Variants in PDE7B observed in about 807,000 individuals in gnomAD.
The protein encoded by PDE7B is 3',5'-cyclic-AMP phosphodiesterase 7B.
A neutral mutation model predicts 56.2 loss-of-function variants in PDE7B; 29 were observed. The ratio of observed to expected loss-of-function variants is 0.52; its 90% CI spans 0.38 to 0.70. PDE7B has a LOEUF of 0.70. PDE7B is among the 30% of genes least tolerant of loss of function. PDE7B has a pLI of 0.00. For missense variants in PDE7B, 490 were observed against 565.0 expected, an observed-to-expected ratio of 0.87 and a Z score of 1.35; for synonymous variants, 197 against 196.9, an observed-to-expected ratio of 1.00 and a Z score of 0.00.
At chr6:136,112,625 T>C (rs2128442436) in intron 3 of PDE7B, 2 of 152,282 alleles carry the variant, frequency 1.3e-5, no homozygotes, top group South Asian at 4.1e-4. Flanking sequence ...TCTTTTTTTT[T>C]TTCTGTTCAG....
In PDE7B at chr6:136,123,228, G is replaced by A. The variant is rs567287888; in HGVS notation, c.166+14414G>A. ...AACAATTAGCTGGGTGTGTGATGAC[G>A]CGTGCCTGTAGTCCTAGCTACTCGG... is the stretch of plus-strand genomic sequence containing the variant. On this transcript the variant is annotated intron_variant, in intron 3 of 12. Coordinates refer to ENST00000308191, the MANE Select transcript of PDE7B (RefSeq NM_018945.4). Among the ~76,000 whole-genome samples the A allele has an allele frequency of 3.9e-5, 6 of 152,182 alleles. No homozygotes were observed. The South Asian group carries it at 8.3e-4, about 21-fold the overall frequency.
intron 3 of PDE7B, among the ~76,000 whole-genome samples, chr6:136,114,029 T>C (rs899402798): frequency 6.6e-6 from 1 of 152,034 alleles, no homozygotes; most frequent in Non-Finnish European, 1.5e-5. Context: ...CAGCCTGAGG[T>C]TTTAGGGCAC....
chr6:136,099,764 G>A (rs985886619), intron 2 of PDE7B, among the ~76,000 whole-genome samples: 1 of 152,130 alleles, frequency 6.6e-6, no homozygotes, highest in Non-Finnish European at 1.5e-5. Context: ...CTGTGCAGAA[G>A]CTCTTTAGTT....
chr6:135,979,972 C>T lies in PDE7B; in HGVS notation c.82+32448C>T, dbSNP rs868366077. On this transcript the variant is annotated intron_variant, in intron 2 of 12. Transcript: ENST00000308191. ...GTTCATATGGAACCAAAAAAGAGCC[C>T]ACATCGCCAAGTCAATCCTAAGCCA... 1.1e-3 allele frequency among the ~76,000 whole-genome samples: 168 copies of T among 152,180 alleles called. 2 individuals are homozygous for T. In the Middle Eastern group the frequency reaches 0.024, roughly 22 times the overall value.
chr6:136,037,263 T>C (rs1188604473), intron 2 of PDE7B, among the ~76,000 whole-genome samples: 3 of 152,260 alleles, frequency 2.0e-5, no homozygotes, highest in Admixed American at 6.5e-5. Context: ...ATCCAGGCTA[T>C]GCAGGCCACT....
intron 11 of PDE7B, among the ~76,000 whole-genome samples, chr6:136,185,678 T>TC (rs769433042): frequency 4.6e-5 from 7 of 151,990 alleles, no homozygotes; most frequent in Non-Finnish European, 8.8e-5. Context: ...AGCAGGAGGA[T>TC]CCCTTGAGCT....
intron 3 of PDE7B, among the ~76,000 whole-genome samples, chr6:136,121,928 G>T (rs1777941078): frequency 6.6e-6 from 1 of 152,152 alleles, no homozygotes; most frequent in Admixed American, 6.5e-5. Context: ...GTAAAATTAG[G>T]CTGAAACCCT....
At chr6:135,861,038 T>A (rs541468339) in intron 1 of PDE7B, among the ~76,000 whole-genome samples, 1 of 151,978 alleles carries the variant, frequency 6.6e-6, no homozygotes, top group Non-Finnish European at 1.5e-5. Context: ...GAAGACTAGA[T>A]AGGTTGTTGC....
chr6:135,856,512 T>C (rs147817711), intron 1 of PDE7B, among the ~76,000 whole-genome samples: 9 of 152,304 alleles, frequency 5.9e-5, no homozygotes, highest in Non-Finnish European at 1.2e-4. Context: ...TTTTGGTGAA[T>C]TGATTGTCCA....
At chr6:136,117,175 G>A (rs952933719) in intron 3 of PDE7B, 1 of 152,088 alleles carries the variant, frequency 6.6e-6, no homozygotes, top group Admixed American at 6.5e-5. Context: ...TTGGATTTCT[G>A]GAGACATTAA....
At chr6:136,107,883 C>T (rs1348389771) in intron 2 of PDE7B, among the ~76,000 whole-genome samples, 2 of 152,056 alleles carry the variant, frequency 1.3e-5, no homozygotes, top group Non-Finnish European at 2.9e-5. Context: ...AATCCCAGAA[C>T]TTTGGGAGGC....
At chr6:136,073,119 C>T (rs1214421708) in intron 2 of PDE7B, among the ~76,000 whole-genome samples, 3 of 152,196 alleles carry the variant, frequency 2.0e-5, no homozygotes, top group South Asian at 4.1e-4. Context: ...ATGGTGGCGT[C>T]GGCAGGGATG....
intron 1 of PDE7B, among the ~76,000 whole-genome samples, chr6:135,932,066 G>A (rs1199135123): frequency 6.6e-6 from 1 of 151,862 alleles, no homozygotes; most frequent in Non-Finnish European, 1.5e-5. Flanking sequence ...TAAGGACCTC[G>A]TGGCTTAATA....
chr6:136,154,024 T>TA, intron 6 of PDE7B, 51 bp from the exon 7 acceptor site: 8 of 1,216,984 alleles, frequency 6.6e-6, no homozygotes, highest in Non-Finnish European at 9.7e-6. Context: ...TAAGCTAGTA[T>TA]ACCACTCCTA....
chr6:136,054,229 G>C (rs962259222), intron 2 of PDE7B, among the ~76,000 whole-genome samples: 1 of 152,130 alleles, frequency 6.6e-6, no homozygotes, highest in Non-Finnish European at 1.5e-5. Context: ...ATTAATTTTT[G>C]TATAAGGTGT....
intron 3 of PDE7B, among the ~76,000 whole-genome samples, chr6:136,109,210 C>A (rs995394398): frequency 2.0e-5 from 3 of 152,210 alleles, no homozygotes; most frequent in African/African-American, 7.2e-5. Context: ...GGTGGCACAG[C>A]CTGTAGTCCC....
intron 3 of PDE7B, among the ~76,000 whole-genome samples, chr6:136,138,757 G>A (rs1778259799): frequency 6.6e-6 from 1 of 152,082 alleles, no homozygotes; most frequent in Non-Finnish European, 1.5e-5. Flanking sequence ...AGTTAACACT[G>A]CAACTTGTCA....
chr6:136,002,567 C>A (rs1395475308), intron 2 of PDE7B, among the ~76,000 whole-genome samples: 2 of 152,104 alleles, frequency 1.3e-5, no homozygotes, highest in South Asian at 2.1e-4. Flanking sequence ...TCTGATAAAA[C>A]AGACCTGAAA....
chr6:136,151,195 A>G lies in PDE7B; in HGVS notation c.418A>G (p.Asn140Asp), dbSNP rs1778506768. ...SLVTLLCHLF[N>D]THGLIHHFKL... ...GGTAACACTGTTGTGCCACCTCTTCAATACCCATGGACTCATTCACCATTT... is the reference window on the plus strand; with the variant it reads ...GGTAACACTGTTGTGCCACCTCTTCGATACCCATGGACTCATTCACCATTT... The change falls in exon 6 of 13, where the codon AAT (asparagine) becomes GAT (aspartate). Residue 140 changes from asparagine to aspartate, a missense_variant. Physicochemically the swap from Asn to Asp is conservative, Grantham distance 23. Transcript: ENST00000308191. 6.2e-6 allele frequency: 10 copies of G among 1,611,990 alleles called. No individual in the cohort carries two copies. The highest frequency in any genetic ancestry group is 8.5e-6 in the Non-Finnish European group (10 of 1,178,194).
Sources: gnomAD v4.1 joint callset for allele counts (sites outside exome capture counted in the v4.1 genomes callset) on GRCh38, gnomAD v4.1.1 for gene constraint, MANE v1.5 for transcripts, NCBI Gene and HGNC (gene_info 2026-07-23, HGNC 2026-07-21) for gene names.